The following KIAA0586 variants were observed in gnomAD, a reference collection of about 807,000 sequenced individuals.
The protein encoded by KIAA0586 is KIAA0586, also known as protein TALPID3.
Under a neutral mutation model 169.8 loss-of-function variants are expected in KIAA0586, and 144 were observed. That is an observed-to-expected ratio of 0.85 (90% CI 0.74 to 0.97). KIAA0586 has a LOEUF of 0.97. KIAA0586 is among the 50% of genes least tolerant of loss of function. The pLI, the probability that KIAA0586 is intolerant of heterozygous loss-of-function variation, is 0.00. For synonymous variants in KIAA0586, 625 were observed against 612.4 expected (o/e 1.02, Z -0.30); for missense variants, 1,854 against 1,823.0 (o/e 1.02, Z -0.31).
At chr14:58,454,763 T>G (rs137910346) in intron 9 of KIAA0586, among the ~76,000 whole-genome samples, 33 of 152,348 alleles carry the variant, frequency 2.2e-4, no homozygotes, top group Middle Eastern at 3.4e-3. Flanking sequence ...CTTCTTGACT[T>G]GCAGGTGGCC....
chr14:58,458,352 C>A lies in KIAA0586; in HGVS notation c.1584-121C>A, dbSNP rs540967576. On this transcript the variant is annotated intron_variant, in intron 11 of 30. Coordinates refer to ENST00000652326, the MANE Select transcript of KIAA0586 (RefSeq NM_001329943.3). The stretch of plus-strand genomic sequence containing the variant: ...CCATTCTACTATCCTAATATCCTTT[C>A]CTTTTCAGATGAAAGATATTAGGAT... The A allele has an allele frequency of 4.8e-6, 3 of 627,754 alleles. No homozygotes were observed. In the Admixed American group the frequency reaches 1.0e-4, roughly 22 times the overall value. 38.9% of individuals were successfully genotyped at this position (627,754 alleles called of 1,614,324 possible).
downstream of KIAA0586, among the ~76,000 whole-genome samples, chr14:58,553,536 G>GTTTT (rs111508643): frequency 3.4e-3 from 496 of 144,424 alleles, 5 homozygotes; most frequent in African/African-American, 0.011. Context: ...AAATATCTGG[G>GTTTT]TTTTTTTTTT....
At chr14:58,458,724 A>G (rs911102131) in intron 12 of KIAA0586, among the ~76,000 whole-genome samples, 179 bp downstream of exon 12, 2 of 152,184 alleles carry the variant, frequency 1.3e-5, no homozygotes, top group Non-Finnish European at 2.9e-5. Flanking sequence ...TAACAAGTAT[A>G]TTATCTCCAC....
At chr14:58,510,934 A>G (rs2044341720) in intron 28 of KIAA0586, among the ~76,000 whole-genome samples, 1 of 152,130 alleles carries the variant, frequency 6.6e-6, no homozygotes, top group South Asian at 2.1e-4. Flanking sequence ...TAGTAATAGC[A>G]TTTCAGTTAT....
intron 13 of KIAA0586, among the ~76,000 whole-genome samples, chr14:58,460,397 G>A (rs1300036779): frequency 6.6e-6 from 1 of 152,062 alleles, no homozygotes; most frequent in Admixed American, 6.6e-5. Flanking sequence ...TCATTTGCGT[G>A]TGTGTATATA....
At chr14:58,559,872 G>C in the KIAA0586 span, among the ~76,000 whole-genome samples, 2 of 152,106 alleles carry the variant, frequency 1.3e-5, no homozygotes. Flanking sequence ...ACAGGCCCCA[G>C]CCGGGCGCGG....
chr14:58,455,733 C>G (rs2039780252), intron 9 of KIAA0586, among the ~76,000 whole-genome samples: 1 of 151,944 alleles, frequency 6.6e-6, no homozygotes, highest in Non-Finnish European at 1.5e-5. Flanking sequence ...TGTGCTAGAG[C>G]ATGCCTCCAG....
chr14:58,467,708 A>G, intron 15 of KIAA0586, 27 bp from the exon 16 acceptor site: 2 of 1,536,470 alleles, frequency 1.3e-6, no homozygotes, highest in Non-Finnish European at 8.9e-7. Flanking sequence ...GAACTAGTTG[A>G]CTTATTTTTT....
rs2036960599 is a variant in KIAA0586 at position 58,427,847 on chromosome 14, A to G, written c.-418A>G. ...GACTCTGTGGCTGAAGAAAGCTATT[A>G]CGCTTCTTATGTGGGTCATTATTTT... On this transcript the variant is annotated 5_prime_UTR_variant, in exon 1 of 31. Transcript: ENST00000652326. The G allele has an allele frequency of 7.1e-7, 1 of 1,413,916 alleles. No homozygotes were observed. Among genetic ancestry groups the G allele is most frequent in the Non-Finnish European group, 9.3e-7 (1 of 1,079,734 alleles). The allele number at this position is 1,413,916 out of a possible 1,614,324, so 87.6% of individuals were successfully genotyped here. A position where few individuals can be genotyped will look rare whatever the true frequency, so the allele number is the denominator to read the frequency against.
In KIAA0586 at chr14:58,551,048, G is replaced by C; in HGVS notation, c.*3116G>C. On this transcript the variant is annotated 3_prime_UTR_variant, in exon 31 of 31. Transcript: ENST00000652326. ...TACTAAAAATACAAAAATTAGCCAG[G>C]CATGGTGGCGTGTGCCTGTAATCCC... is the stretch of plus-strand genomic sequence containing the variant. The C allele has an allele frequency of 6.6e-6, 1 of 151,810 alleles. No individual in the cohort carries two copies. The highest frequency in any genetic ancestry group is 1.5e-5 in the Non-Finnish European group (1 of 67,964). The allele number at this position is 151,810 out of a possible 1,614,324, so 9.4% of individuals were successfully genotyped here.
In KIAA0586 at chr14:58,442,846, C is replaced by T. The variant is rs750938990; in HGVS notation, c.551C>T (p.Ala184Val). 2 of 1,609,592 alleles carry T rather than the reference C, an allele frequency of 1.2e-6. No individual in the cohort carries two copies. Among genetic ancestry groups the T allele is most frequent in the Admixed American group, 1.7e-5 (1 of 59,268 alleles). ...DSATTVAAAT[A>V]AAIATAAPLI... Reference sequence around the variant, plus strand: ...GCTACAACCGTGGCTGCAGCAACTGCTGCTGCCATTGCAACCGCAGCTCCG... The same window carrying T: ...GCTACAACCGTGGCTGCAGCAACTGTTGCTGCCATTGCAACCGCAGCTCCG... The change falls in exon 5 of 31, where the codon GCT (alanine) becomes GTT (valine). Residue 184 changes from alanine to valine, a missense_variant. Coordinates refer to ENST00000652326, the MANE Select transcript of KIAA0586 (RefSeq NM_001329943.3).
At chr14:58,485,247 A>G (rs1020640709) in intron 21 of KIAA0586, among the ~76,000 whole-genome samples, 2 of 151,818 alleles carry the variant, frequency 1.3e-5, no homozygotes, top group Non-Finnish European at 2.9e-5. Context: ...TAAAATGGTC[A>G]GAGGACAGAC....
chr14:58,485,090 A>G (rs1188296526), intron 21 of KIAA0586, among the ~76,000 whole-genome samples: 1 of 148,840 alleles, frequency 6.7e-6, no homozygotes, highest in Non-Finnish European at 1.5e-5. Flanking sequence ...CACCCAGCTA[A>G]TTTTTGCATT....
chr14:58,460,048 G>A lies in KIAA0586; in HGVS notation c.1862G>A (p.Ser621Asn). 1.3e-6 allele frequency: 2 copies of A among 1,525,236 alleles called. No homozygotes were observed. The highest frequency in any genetic ancestry group is 1.8e-6 in the Non-Finnish European group (2 of 1,139,698). 94.5% of individuals were successfully genotyped at this position (1,525,236 alleles called of 1,614,324 possible). A position where few individuals can be genotyped will look rare whatever the true frequency, so the allele number is the denominator to read the frequency against. ...NLPMRGMPAS[S>N]LQKERKEGLL... Reference sequence around the variant, plus strand: ...CCTATGAGGGGCATGCCTGCTTCAAGTTTACAGAAAGAGAGAAAGGAAGTA... The same window carrying A: ...CCTATGAGGGGCATGCCTGCTTCAAATTTACAGAAAGAGAGAAAGGAAGTA... Residue 621 changes from serine (S) to asparagine (N), a missense_variant, in exon 13 of 31, where the codon AGT becomes AAT. Ser to Asn is a conservative substitution (Grantham distance 46). Coordinates refer to ENST00000652326, the MANE Select transcript of KIAA0586 (RefSeq NM_001329943.3).
chr14:58,485,800 T>C (rs1482113392), intron 21 of KIAA0586, among the ~76,000 whole-genome samples: 2 of 152,234 alleles, frequency 1.3e-5, no homozygotes, highest in African/African-American at 2.4e-5. Flanking sequence ...CCAATTCTTC[T>C]TATCCTTCCA....
rs2047151314 is a variant in KIAA0586, at chr14:58,549,505, T to G, written c.*1573T>G. On this transcript the variant is annotated 3_prime_UTR_variant, in exon 31 of 31. Coordinates refer to ENST00000652326, the MANE Select transcript of KIAA0586 (RefSeq NM_001329943.3). Reference sequence around the variant, plus strand: ...GCAAGAGTCTATGGAAACTCAGAAATGTGTCAGCCTTCCACATGCACTTCC... The same window carrying G: ...GCAAGAGTCTATGGAAACTCAGAAAGGTGTCAGCCTTCCACATGCACTTCC... 6.6e-6 allele frequency: 1 copy of G among 152,160 alleles called. No homozygotes were observed. Among genetic ancestry groups the G allele is most frequent in the African/African-American group, 2.4e-5 (1 of 41,422 alleles). 9.4% of individuals were successfully genotyped at this position (152,160 alleles called of 1,614,324 possible).
chr14:58,488,801 A>G lies in KIAA0586; in HGVS notation c.3708A>G (p.Glu1236=), dbSNP rs753485532. The G allele has an allele frequency of 3.1e-6, 5 of 1,613,934 alleles. No individual in the cohort carries two copies. Among genetic ancestry groups the G allele is most frequent in the Non-Finnish European group, 4.2e-6 (5 of 1,179,850 alleles). ...LESTLSVTVT[E]TETLDKPISE... ...GCACATTGAGTGTTACTGTCACTGA[A>G]ACTGAAACTTTAGATAAACCCATCT... The change falls in exon 24 of 31, where the codon GAA becomes GAG. Residue 1236 remains glutamate, a synonymous_variant. Coordinates refer to ENST00000652326, the MANE Select transcript of KIAA0586 (RefSeq NM_001329943.3).
At position 58,440,443 on chromosome 14, in the gene KIAA0586, T is replaced by C. The variant is rs1282345057; in HGVS notation, c.411-2263T>C. Among the ~76,000 whole-genome samples the C allele has an allele frequency of 3.9e-5, 6 of 152,330 alleles. No individual in the cohort carries two copies. The East Asian group carries it at 1.2e-3, about 29-fold the overall frequency. ...GTCTCCTGGGTTCAAGCGATTCTCC[T>C]GCCTCAGCCTCCTGAGTAGCTGGTA... On this transcript the variant is annotated intron_variant, in intron 4 of 30. Coordinates refer to ENST00000652326, the MANE Select transcript of KIAA0586 (RefSeq NM_001329943.3).
At chr14:58,507,584 T>A (rs2044089553) in intron 27 of KIAA0586, among the ~76,000 whole-genome samples, 1 of 151,724 alleles carries the variant, frequency 6.6e-6, no homozygotes. Context: ...CTTAGTAATG[T>A]CAGTGAGAGA....
Sources: gnomAD v4.1 joint callset for allele counts (sites outside exome capture counted in the v4.1 genomes callset) on GRCh38, gnomAD v4.1.1 for gene constraint, MANE v1.5 for transcripts, NCBI Gene and HGNC (gene_info 2026-07-23, HGNC 2026-07-21) for gene names.